Variants in PARD3 observed in about 807,000 individuals in gnomAD.
PARD3 encodes the protein par-3 family cell polarity regulator, also known as partitioning defective 3 homolog.
A neutral mutation model predicts 155.4 loss-of-function variants in PARD3; 75 were observed. The observed-to-expected ratio is 0.48, with a 90% CI of 0.40 to 0.58. PARD3 has a LOEUF of 0.58. Ranked by LOEUF, PARD3 falls within the 20% of genes least tolerant of loss-of-function variation. The pLI, the probability that PARD3 is intolerant of heterozygous loss-of-function variation, is 0.00. For synonymous variants in PARD3, 576 were observed against 610.5 expected, an observed-to-expected ratio of 0.94 and a Z score of 0.83; for missense variants, 1,642 against 1,721.7, an observed-to-expected ratio of 0.95 and a Z score of 0.82.
intron 5 of PARD3, among the ~76,000 whole-genome samples, chr10:34,445,881 T>G (rs558507762): frequency 1.3e-5 from 2 of 151,544 alleles, no homozygotes; most frequent in Admixed American, 6.6e-5. Flanking sequence ...CAGATCTGAC[T>G]GTGTGAAGTG....
chr10:34,254,109 T>C (rs900255992), intron 22 of PARD3, among the ~76,000 whole-genome samples: 11 of 151,766 alleles, frequency 7.2e-5, no homozygotes, highest in South Asian at 2.1e-4. Flanking sequence ...AGGCCGGGAG[T>C]GGTGGCTCAC....
At chr10:34,627,237 T>C (rs964403762) in intron 2 of PARD3, among the ~76,000 whole-genome samples, 4 of 152,118 alleles carry the variant, frequency 2.6e-5, no homozygotes, top group Non-Finnish European at 5.9e-5. Context: ...CTCACTTTGT[T>C]GCTCAGGCTT....
At chr10:34,733,592 T>G (rs1662426129) in intron 1 of PARD3, among the ~76,000 whole-genome samples, 1 of 152,190 alleles carries the variant, frequency 6.6e-6, no homozygotes, top group South Asian at 2.1e-4. Context: ...CAAGCAATTC[T>G]CCTGCCTCAG....
intron 2 of PARD3, among the ~76,000 whole-genome samples, chr10:34,649,366 G>C (rs894595438): frequency 2.0e-5 from 3 of 152,218 alleles, no homozygotes; most frequent in Admixed American, 1.3e-4. Context: ...CAGACCTAGA[G>C]GGTAGAGCCT....
chr10:34,371,380 TA>T (rs1240501005), intron 12 of PARD3, among the ~76,000 whole-genome samples: 33 of 151,208 alleles, frequency 2.2e-4, no homozygotes, highest in African/African-American at 7.3e-4. Context: ...CTCCAAGATG[TA>T]ATTTGTCACC....
At chr10:34,133,923 G>T (rs1056648268) in intron 22 of PARD3, among the ~76,000 whole-genome samples, 2 of 152,064 alleles carry the variant, frequency 1.3e-5, no homozygotes, top group Non-Finnish European at 2.9e-5. Flanking sequence ...CATTCAATTT[G>T]ATTATTTTCT....
At chr10:34,697,001 C>A (rs931543644) in intron 1 of PARD3, among the ~76,000 whole-genome samples, 1 of 144,284 alleles carries the variant, frequency 6.9e-6, no homozygotes, top group African/African-American at 2.9e-5. Flanking sequence ...AAATGACACA[C>A]ACACACACAC....
At chr10:34,296,011 G>C (rs1956891465) in intron 20 of PARD3, among the ~76,000 whole-genome samples, 1 of 152,194 alleles carries the variant, frequency 6.6e-6, no homozygotes, top group Non-Finnish European at 1.5e-5. Context: ...GCCAGAGGCA[G>C]TGGGGCAGGA....
At chr10:34,711,403 C>T (rs1299747668) in intron 1 of PARD3, among the ~76,000 whole-genome samples, 1 of 152,114 alleles carries the variant, frequency 6.6e-6, no homozygotes, top group East Asian at 1.9e-4. Context: ...CATCTGTAAT[C>T]CCAGCTACTC....
rs936189037 is a variant in PARD3, at chr10:34,348,231, C to T, written c.2068-116G>A. 7.1e-6 allele frequency: 6 copies of T among 841,752 alleles called. No individual in the cohort carries two copies. In the South Asian group the frequency reaches 7.5e-5, roughly 11 times the overall value. The allele number at this position is 841,752 out of a possible 1,614,324, so 52.1% of individuals were successfully genotyped here. A position where few individuals can be genotyped will look rare whatever the true frequency, so the allele number is the denominator to read the frequency against. ...TGTATCCAACTGGGTACCAAATGAA[C>T]TAGAACTTTTCACCCTGTACCAAAA... On this transcript the variant is annotated intron_variant, in intron 14 of 24. Coordinates refer to ENST00000374788, the MANE Select transcript of PARD3 (RefSeq NM_001184785.2).
At chr10:34,566,630 GT>G (rs1467161052) in intron 2 of PARD3, among the ~76,000 whole-genome samples, 2 of 152,128 alleles carry the variant, frequency 1.3e-5, no homozygotes, top group Admixed American at 6.5e-5. Flanking sequence ...AAATATGTGA[GT>G]TTTTTCTCTT....
intron 4 of PARD3, among the ~76,000 whole-genome samples, chr10:34,455,224 T>C (rs1016281170): frequency 6.6e-6 from 1 of 152,188 alleles, no homozygotes; most frequent in African/African-American, 2.4e-5. Context: ...TTAAGAATTA[T>C]GAGAAATCAT....
intron 2 of PARD3, among the ~76,000 whole-genome samples, chr10:34,521,724 A>G (rs1018847671): frequency 1.3e-5 from 2 of 152,216 alleles, no homozygotes; most frequent in African/African-American, 4.8e-5. Flanking sequence ...ATGAAACATC[A>G]GAACCCCCCA....
At chr10:34,520,340 G>A (rs2082069321) in intron 2 of PARD3, among the ~76,000 whole-genome samples, 1 of 151,956 alleles carries the variant, frequency 6.6e-6, no homozygotes, top group Non-Finnish European at 1.5e-5. Flanking sequence ...CCATACCACG[G>A]TAATTGGTAT....
intron 22 of PARD3, among the ~76,000 whole-genome samples, chr10:34,198,804 G>T (rs1291139671): frequency 1.3e-5 from 2 of 152,108 alleles, no homozygotes; most frequent in African/African-American, 2.4e-5. Flanking sequence ...CAAACAGTCA[G>T]ATTTAACCCC....
At chr10:34,329,835 T>C (rs1196294104) in intron 19 of PARD3, among the ~76,000 whole-genome samples, 1 of 152,210 alleles carries the variant, frequency 6.6e-6, no homozygotes, top group African/African-American at 2.4e-5. Context: ...TATTACATTA[T>C]GACAGAAATA....
intron 5 of PARD3, among the ~76,000 whole-genome samples, chr10:34,423,799 G>A (rs2075444204): frequency 6.6e-6 from 1 of 152,102 alleles, no homozygotes; most frequent in Non-Finnish European, 1.5e-5. Flanking sequence ...GTCAAATTAT[G>A]CAACAACTAC....
At chr10:34,293,923 C>T (rs553821414) in intron 20 of PARD3, among the ~76,000 whole-genome samples, 1 of 152,126 alleles carries the variant, frequency 6.6e-6, no homozygotes, top group Non-Finnish European at 1.5e-5. Flanking sequence ...TTTTCCTTTT[C>T]CTAAAGCAAG....
chr10:34,272,309 G>T (rs1015955876), intron 21 of PARD3, among the ~76,000 whole-genome samples: 2 of 152,002 alleles, frequency 1.3e-5, no homozygotes, highest in African/African-American at 4.8e-5. Context: ...TATATACATT[G>T]AACATCATCA....
Sources: gnomAD v4.1 joint callset for allele counts (sites outside exome capture counted in the v4.1 genomes callset) on GRCh38, gnomAD v4.1.1 for gene constraint, MANE v1.5 for transcripts, NCBI Gene and HGNC (gene_info 2026-07-23, HGNC 2026-07-21) for gene names.